The following MEGF6 variants were observed in gnomAD, a reference collection of about 807,000 sequenced individuals.
MEGF6 encodes multiple epidermal growth factor-like domains protein 6.
Under a neutral mutation model 207.1 loss-of-function variants are expected in MEGF6, and 184 were observed. The ratio of observed to expected loss-of-function variants is 0.89; its 90% CI spans 0.79 to 1.00. The LOEUF is 1.00. Among genes scored for constraint, MEGF6 ranks in the 50% least tolerant of loss-of-function variants. MEGF6 has a pLI of 0.00. For synonymous variants in MEGF6, 1,038 were observed against 910.0 expected, an observed-to-expected ratio of 1.14 and a Z score of -2.53; for missense variants, 2,282 against 2,202.9, an observed-to-expected ratio of 1.04 and a Z score of -0.72.
intron 2 of MEGF6, 72 bp from the exon 3 acceptor site, chr1:3,595,519 G>T: frequency 1.5e-6 from 2 of 1,297,484 alleles, no homozygotes; most frequent in South Asian, 1.2e-5. Context: ...CTGCACCCCT[G>T]GGGAGACTGA....
At chr1:3,499,998 G>A (rs867473686) in intron 21 of MEGF6, 74 bp from the exon 22 acceptor site, 134 of 1,482,756 alleles carry the variant, frequency 9.0e-5, no homozygotes, top group Middle Eastern at 4.8e-4. Context: ...GGGCCTTGCC[G>A]CCATCCCCAG....
chr1:3,613,278 C>A (rs1157116802), upstream of MEGF6, among the ~76,000 whole-genome samples: 1 of 152,192 alleles, frequency 6.6e-6, no homozygotes, highest in Admixed American at 6.5e-5. Context: ...CTACTTTCCT[C>A]CTGGTCTCCC....
At chr1:3,569,059 G>T (rs539694926) in intron 4 of MEGF6, among the ~76,000 whole-genome samples, 1 of 152,298 alleles carries the variant, frequency 6.6e-6, no homozygotes, top group South Asian at 2.1e-4. Flanking sequence ...AGAGGCCAGG[G>T]CACAACCCAT....
intron 3 of MEGF6, among the ~76,000 whole-genome samples, chr1:3,590,529 G>A (rs748855246): frequency 1.3e-5 from 2 of 152,246 alleles, no homozygotes; most frequent in African/African-American, 2.4e-5. Context: ...TGGCTCTCAG[G>A]GAAATCATAA....
At chr1:3,561,734 C>T (rs1052277836) in intron 4 of MEGF6, among the ~76,000 whole-genome samples, 8 of 152,196 alleles carry the variant, frequency 5.3e-5, no homozygotes, top group African/African-American at 1.2e-4. Flanking sequence ...GGTGGGGTGG[C>T]GGGGCACACG....
At chr1:3,617,998 G>A in the MEGF6 span, among the ~76,000 whole-genome samples, 5 of 152,154 alleles carry the variant, frequency 3.3e-5, no homozygotes, top group East Asian at 1.9e-4. Context: ...AGAGAGGAGC[G>A]GGGCCTCCAC....
In MEGF6 at chr1:3,526,578, T is replaced by C. The variant is rs557772639; in HGVS notation, c.482-2332A>G. The stretch of plus-strand genomic sequence containing the variant: ...CACGCTCGGCTAATTTTTGTATTTT[T>C]AATAGAGACAGGGTTTCGCCATGTT... On this transcript the variant is annotated intron_variant, in intron 4 of 36. Coordinates refer to ENST00000356575, the MANE Select transcript of MEGF6 (RefSeq NM_001409.4). Among the ~76,000 whole-genome samples, 8 of 152,216 alleles carry C rather than the reference T, an allele frequency of 5.3e-5. No individual in the cohort carries two copies. The East Asian group carries it at 1.5e-3, about 29-fold the overall frequency.
the MEGF6 span, among the ~76,000 whole-genome samples, chr1:3,619,970 T>C: frequency 2.6e-5 from 4 of 152,306 alleles, no homozygotes; most frequent in African/African-American, 7.2e-5. Context: ...ATACGGACAA[T>C]GTCCAGGCTG....
In MEGF6 at chr1:3,578,864, C is replaced by T. The variant is rs57382723; in HGVS notation, c.481+961G>A. The stretch of plus-strand genomic sequence containing the variant: ...CCCAGCTCAGAACGCTGGGGAGACC[C>T]AGCACCTCTGCAGAACCCCTCCTCA... On this transcript the variant is annotated intron_variant, in intron 4 of 36. Coordinates refer to ENST00000356575, the MANE Select transcript of MEGF6 (RefSeq NM_001409.4). Among the ~76,000 whole-genome samples, 3 of 126,594 alleles carry T rather than the reference C, an allele frequency of 2.4e-5. No individual in the cohort carries two copies. In the East Asian group the frequency reaches 6.0e-4, roughly 25 times the overall value. 83.1% of individuals were successfully genotyped at this position (126,594 alleles called of 152,430 possible).
rs1227934433 is a variant in MEGF6 at position 3,508,565 on chromosome 1, G to A, written c.1653C>T (p.Cys551=). ...CCTGCCCAGCTGCCTCACTCTCATT[G>A]CAGATGAGCCCAGTCCAGCCCTCGG... ...DCPEGWTGLI[C]NETCPPDTFG... is the part of the protein sequence containing the mutation. The change falls in exon 13 of 37, where the codon TGC becomes TGT. Residue 551 remains cysteine (C), a synonymous_variant. Coordinates refer to ENST00000356575, the MANE Select transcript of MEGF6 (RefSeq NM_001409.4). The A allele has an allele frequency of 6.2e-7, 1 of 1,612,994 alleles. No homozygotes were observed. Among genetic ancestry groups the A allele is most frequent in the Non-Finnish European group, 8.5e-7 (1 of 1,179,748 alleles).
chr1:3,557,898 C>T (rs776313212), intron 4 of MEGF6, among the ~76,000 whole-genome samples: 1 of 152,184 alleles, frequency 6.6e-6, no homozygotes, highest in Non-Finnish European at 1.5e-5. Context: ...TGGGTGTCTC[C>T]ACAGGCTCTC....
chr1:3,620,806 A>C, the MEGF6 span, among the ~76,000 whole-genome samples: 1 of 152,206 alleles, frequency 6.6e-6, no homozygotes, highest in Admixed American at 6.5e-5. Context: ...GCAGCCCCGA[A>C]TGCCTGGCTG....
intron 4 of MEGF6, 38 bp from the exon 5 acceptor site, chr1:3,524,284 T>C (rs780863177): frequency 1.3e-6 from 2 of 1,590,410 alleles, no homozygotes; most frequent in Admixed American, 3.4e-5. Flanking sequence ...GCTGGGCACC[T>C]GTGCCCTCCT....
chr1:3,601,312 G>A (rs1007446205), intron 2 of MEGF6, among the ~76,000 whole-genome samples: 2 of 152,258 alleles, frequency 1.3e-5, no homozygotes, highest in African/African-American at 2.4e-5. Flanking sequence ...ACAAATTCCC[G>A]CAGGGAAATC....
At chr1:3,500,919 G>C in intron 20 of MEGF6, 47 bp downstream of exon 20, 1 of 1,610,102 alleles carries the variant, frequency 6.2e-7, no homozygotes, top group Non-Finnish European at 8.5e-7. Context: ...CCAGGGGCTA[G>C]GAAAGGAGGG....
In MEGF6 at chr1:3,548,880, C is replaced by G. The variant is rs367908112; in HGVS notation, c.482-24634G>C. 6.8e-3 allele frequency among the ~76,000 whole-genome samples: 1,034 copies of G among 152,288 alleles called. 9 individuals are homozygous for G. Among genetic ancestry groups the G allele is most frequent in the African/African-American group, 0.022 (904 of 41,570 alleles). ...AGCTGGGGGCCTTCAGGGACCCCCC[C>G]ACACCCACAGGAAAAGCCCCTTAGC... On this transcript the variant is annotated intron_variant, in intron 4 of 36. Transcript: ENST00000356575.
At chr1:3,519,492 G>A (rs796241044) in intron 5 of MEGF6, among the ~76,000 whole-genome samples, 30 of 152,378 alleles carry the variant, frequency 2.0e-4, no homozygotes, top group South Asian at 6.2e-4. Flanking sequence ...GCTGCTGAGC[G>A]TCAGCTCCGA....
chr1:3,524,959 T>C (rs574190742), intron 4 of MEGF6, among the ~76,000 whole-genome samples: 60 of 152,322 alleles, frequency 3.9e-4, no homozygotes, highest in African/African-American at 1.3e-3. Context: ...AGGTCCTCTC[T>C]ATGGGTTCAT....
chr1:3,511,209 G>A (rs1388001988), intron 9 of MEGF6, among the ~76,000 whole-genome samples: 1 of 152,256 alleles, frequency 6.6e-6, no homozygotes. Flanking sequence ...GCTAGAGGGT[G>A]GGGACTCCAT....
Sources: gnomAD v4.1 joint callset for allele counts (sites outside exome capture counted in the v4.1 genomes callset) on GRCh38, gnomAD v4.1.1 for gene constraint, MANE v1.5 for transcripts, NCBI Gene and HGNC (gene_info 2026-07-23, HGNC 2026-07-21) for gene names.